Variants in BHMT2 observed in about 807,000 individuals in gnomAD.
The protein encoded by BHMT2 is S-methylmethionine--homocysteine S-methyltransferase BHMT2.
BHMT2 carries 28 observed loss-of-function variants against 39.0 expected under a neutral mutation model. The observed-to-expected ratio is 0.72, with a 90% CI of 0.53 to 0.98. BHMT2 has a LOEUF of 0.98. Among genes scored for constraint, BHMT2 ranks in the 50% least tolerant of loss-of-function variants. The pLI is 0.00. For missense variants in BHMT2, 410 were observed against 455.6 expected (o/e 0.90, Z 0.91); for synonymous variants, 145 against 160.6 (o/e 0.90, Z 0.74).
intron 1 of BHMT2, among the ~76,000 whole-genome samples, chr5:79,071,379 G>A (rs1755568649): frequency 6.6e-6 from 1 of 152,128 alleles, no homozygotes; most frequent in Non-Finnish European, 1.5e-5. Context: ...GATCCCCACT[G>A]AGTATGAATA....
chr5:79,086,697 C>T (rs567205798), intron 7 of BHMT2, among the ~76,000 whole-genome samples: 1 of 152,154 alleles, frequency 6.6e-6, no homozygotes, highest in African/African-American at 2.4e-5. Flanking sequence ...CAAATCCATG[C>T]CATATTTCAA....
chr5:79,074,881 A>G (rs1349594731), intron 1 of BHMT2, among the ~76,000 whole-genome samples: 1 of 152,220 alleles, frequency 6.6e-6, no homozygotes, highest in Non-Finnish European at 1.5e-5. Flanking sequence ...GGTCTGAGCT[A>G]AAAACTTTAG....
At position 79,082,955 on chromosome 5, in the gene BHMT2, A is replaced by G; in HGVS notation, c.597A>G (p.Ala199=). The change falls in exon 5 of 8, where the codon GCA becomes GCG. Residue 199 remains alanine (A), a splice_region_variant and synonymous_variant. Coordinates refer to ENST00000255192, the MANE Select transcript of BHMT2 (RefSeq NM_017614.5). ...AATGTGCTGTGAGGCTGGTGAAGGC[A>G]GGTAATTTGGACCCATACCGTGATA... ...PGECAVRLVK[A]GASIVGVNCR... is the part of the protein sequence containing the mutation. The G allele has an allele frequency of 6.2e-7, 1 of 1,614,170 alleles. No homozygotes were observed. Among genetic ancestry groups the G allele is most frequent in the East Asian group, 2.2e-5 (1 of 44,880 alleles).
At chr5:79,085,467 G>T (rs1189461065) in intron 7 of BHMT2, among the ~76,000 whole-genome samples, 1 of 152,218 alleles carries the variant, frequency 6.6e-6, no homozygotes, top group Non-Finnish European at 1.5e-5. Flanking sequence ...GATCACCTGA[G>T]GTCAGCAGTT....
At chr5:79,070,607 G>T (rs1755546777) in intron 1 of BHMT2, among the ~76,000 whole-genome samples, 1 of 152,174 alleles carries the variant, frequency 6.6e-6, no homozygotes, top group Non-Finnish European at 1.5e-5. Flanking sequence ...CATTCAGAAT[G>T]GGAGGAAGGG....
chr5:79,070,395 C>G (rs1299798743), intron 1 of BHMT2, among the ~76,000 whole-genome samples: 1 of 152,132 alleles, frequency 6.6e-6, no homozygotes, highest in East Asian at 1.9e-4. Context: ...CACCCCTCAA[C>G]CTCCTCTCAC....
intron 3 of BHMT2, 146 bp from the exon 4 acceptor site, chr5:79,080,541 G>T (rs1755764205): frequency 6.3e-6 from 4 of 635,436 alleles, no homozygotes; most frequent in Non-Finnish European, 1.0e-5. Context: ...AGAGGAGATT[G>T]TACCCAACTC....
At chr5:79,080,378 A>G (rs138572478) in intron 3 of BHMT2, among the ~76,000 whole-genome samples, 31 of 152,350 alleles carry the variant, frequency 2.0e-4, no homozygotes, top group African/African-American at 7.2e-4. Context: ...TGTACTGAGT[A>G]TCTGTTACAG....
intron 1 of BHMT2, among the ~76,000 whole-genome samples, chr5:79,072,469 A>G (rs592052): frequency 0.41 from 61,608 of 152,070 alleles, 15,043 homozygotes; most frequent in East Asian, 0.61. Context: ...ATTCTAGCAT[A>G]TGCAATACAT....
At position 79,080,745 on chromosome 5, in the gene BHMT2, A is replaced by G. The variant is rs1232707516; in HGVS notation, c.317A>G (p.Asp106Gly). The G allele has an allele frequency of 6.2e-7, 1 of 1,603,562 alleles. No homozygotes were observed. Among genetic ancestry groups the G allele is most frequent in the South Asian group, 1.1e-5 (1 of 88,636 alleles). ...DLAREVAGKG[D>G]ALVAGGICQT... ...GCCAGGGAAGTGGCTGGCAAAGGTG[A>G]TGCTTTGGTAGCAGGGGGGATCTGC... is the stretch of plus-strand genomic sequence containing the variant. Residue 106 changes from aspartate to glycine, a missense_variant, in exon 4 of 8, where the codon GAT becomes GGT. By Grantham distance (94) the Asp-to-Gly change is moderately conservative. Coordinates refer to ENST00000255192, the MANE Select transcript of BHMT2 (RefSeq NM_017614.5).
At chr5:79,085,023 C>T (rs1436891857) in intron 7 of BHMT2, among the ~76,000 whole-genome samples, 1 of 152,160 alleles carries the variant, frequency 6.6e-6, no homozygotes, top group Non-Finnish European at 1.5e-5. Flanking sequence ...CTCTCATCTA[C>T]CCCTTGGTGT....
At chr5:79,082,697 CAT>C in intron 4 of BHMT2, 110 bp from the exon 5 acceptor site, 5 of 1,258,426 alleles carry the variant, frequency 4.0e-6, no homozygotes, top group Middle Eastern at 2.8e-4. Context: ...TTTTATTATG[CAT>C]ATGTTTATAT....
At chr5:79,074,295 T>C (rs1755632295) in intron 1 of BHMT2, among the ~76,000 whole-genome samples, 1 of 152,218 alleles carries the variant, frequency 6.6e-6, no homozygotes, top group South Asian at 2.1e-4. Flanking sequence ...CCCTCTCTAG[T>C]CATGCCATTC....
At chr5:79,084,323 C>G (rs1755852389) in intron 7 of BHMT2, among the ~76,000 whole-genome samples, 1 of 152,124 alleles carries the variant, frequency 6.6e-6, no homozygotes, top group Non-Finnish European at 1.5e-5. Flanking sequence ...GTTGTCCAGG[C>G]TGCAGTGCAA....
At chr5:79,074,087 T>C (rs1755628611) in intron 1 of BHMT2, among the ~76,000 whole-genome samples, 1 of 152,186 alleles carries the variant, frequency 6.6e-6, no homozygotes, top group African/African-American at 2.4e-5. Context: ...AACAGTTCAA[T>C]AGTGGCTTCT....
chr5:79,081,898 C>T (rs1381331301), intron 4 of BHMT2, among the ~76,000 whole-genome samples: 4 of 152,018 alleles, frequency 2.6e-5, no homozygotes, highest in South Asian at 2.1e-4. Flanking sequence ...CACCATTATT[C>T]CCCCTAGTGA....
chr5:79,087,014 G>GTGTATATATATATATATATATA (rs1329456863), intron 7 of BHMT2, among the ~76,000 whole-genome samples: 2 of 118,320 alleles, frequency 1.7e-5, no homozygotes, highest in Admixed American at 9.0e-5. Context: ...GTGTGTGTGT[G>GTGTATATATATATATATATATA]TATATATATA....
chr5:79,088,771 C>G lies in BHMT2; in HGVS notation c.*197C>G, dbSNP rs761573253. 173 of 485,256 alleles carry G rather than the reference C, an allele frequency of 3.6e-4. No homozygotes were observed. Among genetic ancestry groups the G allele is most frequent in the Non-Finnish European group, 5.9e-4 (155 of 264,762 alleles). 30.1% of individuals were successfully genotyped at this position (485,256 alleles called of 1,614,324 possible). ...CTCCTGCTGTGGTTAAGCACTGCAA[C>G]AGACTCTACCAGAGATGCAAAGAGA... On this transcript the variant is annotated 3_prime_UTR_variant, in exon 8 of 8. Coordinates refer to ENST00000255192, the MANE Select transcript of BHMT2 (RefSeq NM_017614.5).
chr5:79,074,644 C>T (rs933374070), intron 1 of BHMT2, among the ~76,000 whole-genome samples: 10 of 152,202 alleles, frequency 6.6e-5, no homozygotes, highest in Admixed American at 3.3e-4. Context: ...CTGGGTGGGT[C>T]ACTTTGTGTG....
Sources: allele counts gnomAD v4.1 joint callset (sites outside exome capture counted in the v4.1 genomes callset), GRCh38; gene constraint gnomAD v4.1.1; transcripts MANE v1.5; gene names NCBI Gene and HGNC (gene_info 2026-07-23, HGNC 2026-07-21).